DIXDC1: variants seen among roughly 807,000 people sequenced by gnomAD.
The protein encoded by DIXDC1 is dixin.
DIXDC1 carries 64 observed loss-of-function variants against 103.1 expected under a neutral mutation model. The ratio of observed to expected loss-of-function variants is 0.62; its 90% CI spans 0.51 to 0.76. DIXDC1 has a LOEUF of 0.76. Among genes scored for constraint, DIXDC1 ranks in the 30% least tolerant of loss-of-function variants. The pLI, the probability that DIXDC1 is intolerant of heterozygous loss-of-function variation, is 0.00. For missense variants in DIXDC1, 759 were observed against 834.2 expected, an observed-to-expected ratio of 0.91 and a Z score of 1.11; for synonymous variants, 266 against 298.5, an observed-to-expected ratio of 0.89 and a Z score of 1.12.
chr11:111,937,186 G>C, upstream of DIXDC1: 1 of 1,020,272 alleles, frequency 9.8e-7, no homozygotes. Flanking sequence ...TCGCCAGCCC[G>C]CCTGGCCGTG....
chr11:111,975,734 C>T, intron 5 of DIXDC1: 1 of 985,388 alleles, frequency 1.0e-6, no homozygotes, highest in African/African-American at 1.7e-5. Flanking sequence ...GTGTAATCTG[C>T]TCTATTTAGG....
At chr11:112,008,976 T>C (rs1861325824) in intron 17 of DIXDC1, among the ~76,000 whole-genome samples, 2 of 151,870 alleles carry the variant, frequency 1.3e-5, no homozygotes, top group South Asian at 2.1e-4. Flanking sequence ...CTGAAGGAGA[T>C]AGAGACACAA....
intron 7 of DIXDC1, among the ~76,000 whole-genome samples, chr11:111,983,428 T>C (rs1555173519): frequency 1.3e-5 from 2 of 152,202 alleles, no homozygotes; most frequent in African/African-American, 4.8e-5. Context: ...GAATGTTGCC[T>C]GCGTAAACAT....
At position 111,993,482 on chromosome 11, in the gene DIXDC1, T is replaced by C. The variant is rs587640432; in HGVS notation, c.1273-14T>C. 1.2e-5 allele frequency: 19 copies of C among 1,613,966 alleles called. No individual in the cohort carries two copies. In the African/African-American group the frequency reaches 2.0e-4, roughly 17 times the overall value. On this transcript the variant is annotated splice_polypyrimidine_tract_variant and intron_variant, in intron 12 of 19. Coordinates refer to ENST00000440460, the MANE Select transcript of DIXDC1 (RefSeq NM_001037954.4). ...GGTTTTGCCGCTCATCTTAAAGCTCTATCTTTATTGCAGAAAGAGCTGGGG... is the reference window on the plus strand; with the variant it reads ...GGTTTTGCCGCTCATCTTAAAGCTCCATCTTTATTGCAGAAAGAGCTGGGG...
intron 1 of DIXDC1, among the ~76,000 whole-genome samples, chr11:111,950,647 G>A (rs1966775393): frequency 6.6e-6 from 1 of 150,730 alleles, no homozygotes; most frequent in African/African-American, 2.4e-5. Flanking sequence ...GTAGAGACAG[G>A]GTTTCACCAT....
At chr11:111,937,281 C>G, upstream of DIXDC1, 2 of 1,310,752 alleles carry the variant, frequency 1.5e-6, no homozygotes, top group South Asian at 4.4e-5. Flanking sequence ...CCATAGGAAC[C>G]GCGACCGCGC....
At chr11:112,018,699 G>A (rs1487676420) in intron 19 of DIXDC1, among the ~76,000 whole-genome samples, 1 of 151,978 alleles carries the variant, frequency 6.6e-6, no homozygotes, top group Non-Finnish European at 1.5e-5. Context: ...AAAGTACTTT[G>A]TGATTGGTAA....
At chr11:111,959,342 A>G (rs1304672343) in intron 1 of DIXDC1, among the ~76,000 whole-genome samples, 3 of 152,224 alleles carry the variant, frequency 2.0e-5, no homozygotes, top group Non-Finnish European at 2.9e-5. Context: ...GGAGTCTCCA[A>G]GCTTCCAGGC....
intron 17 of DIXDC1, among the ~76,000 whole-genome samples, chr11:112,003,116 G>T (rs1307707619): frequency 2.0e-5 from 3 of 152,124 alleles, no homozygotes; most frequent in Admixed American, 1.3e-4. Flanking sequence ...CAGAGAGGTT[G>T]GTTAATGGAT....
chr11:111,936,597 T>G (rs1168291546), upstream of DIXDC1, among the ~76,000 whole-genome samples: 1 of 152,260 alleles, frequency 6.6e-6, no homozygotes, highest in African/African-American at 2.4e-5. Context: ...TGTTTAGCAC[T>G]GTTCTATTGA....
chr11:111,987,134 C>T (rs1405930887), intron 9 of DIXDC1, among the ~76,000 whole-genome samples: 1 of 151,804 alleles, frequency 6.6e-6, no homozygotes, highest in African/African-American at 2.4e-5. Flanking sequence ...TCTGTAGTCC[C>T]AGCTACTCGG....
chr11:111,964,459 C>T, intron 1 of DIXDC1, 90 bp from the exon 2 acceptor site: 3 of 1,462,978 alleles, frequency 2.1e-6, no homozygotes, highest in African/African-American at 1.4e-5. Flanking sequence ...GTTTATTATA[C>T]CCCAGTCACA....
chr11:111,937,874 C>G (rs1422169416), intron 1 of DIXDC1, among the ~76,000 whole-genome samples: 1 of 152,206 alleles, frequency 6.6e-6, no homozygotes, highest in African/African-American at 2.4e-5. Flanking sequence ...GAGCTTCTCT[C>G]TCCAAGGAAA....
intron 14 of DIXDC1, 23 bp from the exon 15 acceptor site, chr11:111,994,996 A>G (rs1555175154): frequency 1.2e-6 from 2 of 1,607,442 alleles, no homozygotes; most frequent in Non-Finnish European, 1.7e-6. Flanking sequence ...TTTAACAAGC[A>G]ACATTTCTTC....
At chr11:111,955,544 C>G (rs1966895444) in intron 1 of DIXDC1, among the ~76,000 whole-genome samples, 1 of 151,684 alleles carries the variant, frequency 6.6e-6, no homozygotes, top group South Asian at 2.1e-4. Context: ...TAATTGAAAT[C>G]AAGATCTTGG....
chr11:112,001,285 T>C (rs1459074214), intron 17 of DIXDC1, among the ~76,000 whole-genome samples: 1 of 152,196 alleles, frequency 6.6e-6, no homozygotes, highest in Admixed American at 6.5e-5. Flanking sequence ...GTTAGCCAGA[T>C]GCCAGGGTCA....
chr11:112,008,713 A>C (rs1861317391), intron 17 of DIXDC1, among the ~76,000 whole-genome samples: 1 of 152,224 alleles, frequency 6.6e-6, no homozygotes, highest in South Asian at 2.1e-4. Flanking sequence ...ACTACTGGCT[A>C]AATAACGAAA....
rs931570641 is a variant in DIXDC1, at chr11:112,019,564, A to C, written c.*528A>C. 1 of 153,078 alleles carries C rather than the reference A, an allele frequency of 6.5e-6. No individual in the cohort carries two copies. Among genetic ancestry groups the C allele is most frequent in the South Asian group, 2.1e-4 (1 of 4,858 alleles). The allele number at this position is 153,078 out of a possible 1,614,324, so 9.5% of individuals were successfully genotyped here. A position where few individuals can be genotyped will look rare whatever the true frequency, so the allele number is the denominator to read the frequency against. ...TACCAAAGATGAAAGCCCAGACTTCAGTAATCTTTTGAACCAGACGTGGAT... is the reference window on the plus strand; with the variant it reads ...TACCAAAGATGAAAGCCCAGACTTCCGTAATCTTTTGAACCAGACGTGGAT... On this transcript the variant is annotated 3_prime_UTR_variant, in exon 20 of 20. Transcript: ENST00000440460.
intron 3 of DIXDC1, among the ~76,000 whole-genome samples, chr11:111,973,467 G>A (rs919662505): frequency 6.6e-6 from 1 of 151,810 alleles, no homozygotes; most frequent in Non-Finnish European, 1.5e-5. Context: ...AAAAGTTATC[G>A]AGATATTTTG....
Sources: gnomAD v4.1 joint callset for allele counts (sites outside exome capture counted in the v4.1 genomes callset) on GRCh38, gnomAD v4.1.1 for gene constraint, MANE v1.5 for transcripts, NCBI Gene and HGNC (gene_info 2026-07-23, HGNC 2026-07-21) for gene names.